The following TRHDE variants were observed in gnomAD, a reference collection of about 807,000 sequenced individuals.
TRHDE encodes thyrotropin releasing hormone degrading enzyme.
Under a neutral mutation model 125.7 loss-of-function variants are expected in TRHDE, and 72 were observed. The observed-to-expected ratio is 0.57, with a 90% CI of 0.47 to 0.70. The LOEUF (loss-of-function observed/expected upper bound fraction) is 0.70, where lower values mean the gene tolerates loss of function less well. Among genes scored for constraint, TRHDE ranks in the 30% least tolerant of loss-of-function variants. The pLI, the probability that TRHDE is intolerant of heterozygous loss-of-function variation, is 0.00. For synonymous variants in TRHDE, 509 were observed against 509.1 expected (o/e 1.00, Z 0.00); for missense variants, 1,110 against 1,327.1 (o/e 0.84, Z 2.54).
At chr12:72,460,082 T>G (rs1008008140) in intron 3 of TRHDE, among the ~76,000 whole-genome samples, 1 of 152,184 alleles carries the variant, frequency 6.6e-6, no homozygotes, top group African/African-American at 2.4e-5. Context: ...TGCCTTTTGC[T>G]CTGGAGAGCC....
At chr12:72,187,470 T>TGG (rs1463921144) in intron 2 of TRHDE, among the ~76,000 whole-genome samples, 3 of 143,084 alleles carry the variant, frequency 2.1e-5, no homozygotes, top group Non-Finnish European at 4.6e-5. Context: ...GTGGTGGTGG[T>TGG]TGTGGTCGTG....
chr12:72,259,641 A>G (rs1878901946), intron 2 of TRHDE, among the ~76,000 whole-genome samples: 1 of 152,284 alleles, frequency 6.6e-6, no homozygotes, highest in African/African-American at 2.4e-5. Flanking sequence ...ATAACACATC[A>G]TTCATCTCAA....
chr12:72,208,734 G>A (rs745677529), intron 2 of TRHDE, among the ~76,000 whole-genome samples: 7 of 152,148 alleles, frequency 4.6e-5, no homozygotes, highest in Non-Finnish European at 1.0e-4. Context: ...CTTATTGACT[G>A]TTATTAATTA....
At chr12:72,422,091 G>A (rs1328168208) in intron 3 of TRHDE, among the ~76,000 whole-genome samples, 1 of 152,010 alleles carries the variant, frequency 6.6e-6, no homozygotes, top group Non-Finnish European at 1.5e-5. Flanking sequence ...GGTTTAAAAT[G>A]TTCTGGGGTT....
At chr12:72,355,919 G>T (rs998730342) in intron 2 of TRHDE, among the ~76,000 whole-genome samples, 2 of 151,794 alleles carry the variant, frequency 1.3e-5, no homozygotes, top group African/African-American at 4.8e-5. Flanking sequence ...TGGTGAAGTT[G>T]CAGAGAAAAG....
chr12:72,300,971 C>T (rs1244342012), intron 2 of TRHDE, among the ~76,000 whole-genome samples: 1 of 152,116 alleles, frequency 6.6e-6, no homozygotes, highest in Non-Finnish European at 1.5e-5. Context: ...CTTTCCCCTC[C>T]TCTCTTACTT....
At chr12:72,333,125 T>TA (rs1263807986) in intron 2 of TRHDE, among the ~76,000 whole-genome samples, 2 of 152,200 alleles carry the variant, frequency 1.3e-5, no homozygotes, top group Admixed American at 1.3e-4. Context: ...ATGCCCCCAG[T>TA]AATGGGGAGT....
chr12:72,131,228 C>A (rs945071197), intron 2 of TRHDE, among the ~76,000 whole-genome samples: 3 of 151,668 alleles, frequency 2.0e-5, no homozygotes, highest in African/African-American at 4.8e-5. Flanking sequence ...CCCGCCACCA[C>A]GCCCGGCTAA....
chr12:72,265,337 C>T (rs1879041632), intron 2 of TRHDE, among the ~76,000 whole-genome samples: 1 of 151,858 alleles, frequency 6.6e-6, no homozygotes, highest in South Asian at 2.1e-4. Context: ...TGGAGAGTAA[C>T]TTCTGAGCCT....
intron 2 of TRHDE, among the ~76,000 whole-genome samples, chr12:72,345,810 G>A (rs1347599699): frequency 6.6e-6 from 1 of 152,040 alleles, no homozygotes; most frequent in Non-Finnish European, 1.5e-5. Flanking sequence ...AAAGCCCAGG[G>A]CCAGGTGGGG....
rs1333813221 is a variant in TRHDE, at chr12:72,472,339, T to G, written c.1471-728T>G. Among the ~76,000 whole-genome samples, 4 of 152,174 alleles carry G rather than the reference T, an allele frequency of 2.6e-5. No homozygotes were observed. In the East Asian group the frequency reaches 7.7e-4, roughly 29 times the overall value. ...TAATAAGAAAAGAATTCCTTTAACG[T>G]TTTCCTGAACTAAGCAAGTTTCAGA... On this transcript the variant is annotated intron_variant, in intron 4 of 18. Coordinates refer to ENST00000261180, the MANE Select transcript of TRHDE (RefSeq NM_013381.3).
rs745436198 is a variant in TRHDE, at chr12:72,458,905, AATG to A, written c.1316-10841_1316-10839del. On this transcript the variant is annotated intron_variant, in intron 3 of 18. Coordinates refer to ENST00000261180, the MANE Select transcript of TRHDE (RefSeq NM_013381.3). ...GAATAATGGTAATAATTATAAAGGT[AATG>A]ATGATGATGATAATAACTGTATTAG... Among the ~76,000 whole-genome samples the A allele has an allele frequency of 4.9e-4, 74 of 152,294 alleles. 1 individual carries two copies. The highest frequency in any genetic ancestry group is 2.0e-3 in the Admixed American group (31 of 15,302).
intron 6 of TRHDE, among the ~76,000 whole-genome samples, chr12:72,541,908 G>A (rs2135987157): frequency 6.6e-6 from 1 of 151,432 alleles, no homozygotes; most frequent in East Asian, 1.9e-4. Context: ...ATTTTAATAT[G>A]ATTATTTATT....
rs1388466751 is a variant in TRHDE, at chr12:72,663,228, A to T, written c.*33A>T. 5 of 1,515,552 alleles carry T rather than the reference A, an allele frequency of 3.3e-6. No homozygotes were observed. The highest frequency in any genetic ancestry group is 3.6e-6 in the Non-Finnish European group (4 of 1,123,300). The allele number at this position is 1,515,552 out of a possible 1,614,324, so 93.9% of individuals were successfully genotyped here. Reference sequence around the variant, plus strand: ...ATCTTATAAACAAACAATTCAACTCAGAAGTTTATGAGAAGACACGCTTTT... The same window carrying T: ...ATCTTATAAACAAACAATTCAACTCTGAAGTTTATGAGAAGACACGCTTTT... On this transcript the variant is annotated 3_prime_UTR_variant, in exon 19 of 19. Coordinates refer to ENST00000261180, the MANE Select transcript of TRHDE (RefSeq NM_013381.3).
At chr12:72,191,973 C>T (rs113026031) in intron 2 of TRHDE, among the ~76,000 whole-genome samples, 5,804 of 152,190 alleles carry the variant, frequency 0.038, 197 homozygotes, top group African/African-American at 0.092. Context: ...CTTTTCTGGG[C>T]TAGCTTTGTA....
At chr12:72,557,653 C>T (rs973622540) in intron 7 of TRHDE, among the ~76,000 whole-genome samples, 2 of 152,184 alleles carry the variant, frequency 1.3e-5, no homozygotes, top group Middle Eastern at 3.4e-3. Context: ...TTTACTTTTC[C>T]CCTTGTCTTT....
chr12:72,540,096 T>A (rs555857021), intron 6 of TRHDE, among the ~76,000 whole-genome samples: 3 of 151,954 alleles, frequency 2.0e-5, no homozygotes, highest in African/African-American at 7.2e-5. Context: ...GTGCTTAGTA[T>A]ATGTTGGCTA....
rs386376946 is a variant in TRHDE, at chr12:72,341,132, GT to G, written c.1189-36850del. On this transcript the variant is annotated intron_variant, in intron 2 of 18. Transcript: ENST00000261180. ...TTCTATTCTATCAGGCTTTCCTTCA[GT>G]TTTTTTTTTTTTAATTATACTCTAA... 7.9e-3 allele frequency among the ~76,000 whole-genome samples: 1,149 copies of G among 144,642 alleles called. 12 individuals carry two copies. Among genetic ancestry groups the G allele is most frequent in the African/African-American group, 0.023 (910 of 39,644 alleles). 94.9% of individuals were successfully genotyped at this position (144,642 alleles called of 152,430 possible).
At chr12:72,484,748 G>A (rs890629131) in intron 5 of TRHDE, among the ~76,000 whole-genome samples, 4 of 152,152 alleles carry the variant, frequency 2.6e-5, no homozygotes, top group Non-Finnish European at 4.4e-5. Flanking sequence ...TGAGGAAACA[G>A]GAAAAGGTGG....
Sources: allele counts gnomAD v4.1 joint callset (sites outside exome capture counted in the v4.1 genomes callset), GRCh38; gene constraint gnomAD v4.1.1; transcripts MANE v1.5; gene names NCBI Gene and HGNC (gene_info 2026-07-23, HGNC 2026-07-21).